UGGT1: variants seen among roughly 807,000 people sequenced by gnomAD.
UGGT1 encodes the protein UDP-glucose:glycoprotein glucosyltransferase 1.
A neutral mutation model predicts 203.9 loss-of-function variants in UGGT1; 107 were observed. The observed-to-expected ratio is 0.52, with a 90% confidence interval of 0.45 to 0.62. The LOEUF (loss-of-function observed/expected upper bound fraction) is 0.62. Ranked by LOEUF, UGGT1 falls within the 20% of genes least tolerant of loss-of-function variation. The probability of loss-of-function intolerance (pLI) is 0.00; values close to 1 mark genes in which losing one functional copy is unlikely to be tolerated. For synonymous variants in UGGT1, 628 were observed against 653.5 expected (o/e 0.96, Z 0.59); for missense variants, 1,673 against 1,867.2 (o/e 0.90, Z 1.92).
At chr2:128,151,232 C>T (rs1469612262) in intron 18 of UGGT1, 3 of 596,696 alleles carry the variant, frequency 5.0e-6, no homozygotes, top group East Asian at 3.0e-5. Flanking sequence ...TTCTTCTGCT[C>T]CTCTTTTTGT....
chr2:128,115,149 T>C lies in UGGT1; in HGVS notation c.722T>C (p.Leu241Pro). 6.2e-7 allele frequency: 1 copy of C among 1,614,064 alleles called. No homozygotes were observed. Among genetic ancestry groups the C allele is most frequent in the Non-Finnish European group, 8.5e-7 (1 of 1,179,972 alleles). ...IFNPRKEPVY[L>P]SGYGVELAIK... is the part of the protein sequence containing the mutation. ...AATCCCAGGAAGGAGCCTGTTTACC[T>C]CTCTGGCTATGGCGTGGAATTGGCC... is the stretch of plus-strand genomic sequence containing the variant. Residue 241 changes from leucine to proline, a missense_variant, in exon 7 of 41, where the codon CTC becomes CCC. Around this residue, in one of 4 missense-constraint regions of UGGT1, gnomAD observed 1,073 missense variants for 1,078.7 expected, o/e 0.99. Coordinates refer to ENST00000259253, the MANE Select transcript of UGGT1 (RefSeq NM_020120.4).
chr2:128,096,323 C>T (rs1333003570), intron 1 of UGGT1, among the ~76,000 whole-genome samples: 3 of 152,218 alleles, frequency 2.0e-5, no homozygotes, highest in Non-Finnish European at 4.4e-5. Flanking sequence ...AGGGCTACCA[C>T]AACAAAGTAT....
intron 40 of UGGT1, among the ~76,000 whole-genome samples, chr2:128,188,146 A>G (rs1692080432): frequency 6.6e-6 from 1 of 151,304 alleles, no homozygotes; most frequent in Admixed American, 6.6e-5. Flanking sequence ...TCAGCCTCCC[A>G]AGTAGCTGGA....
At chr2:128,099,601 G>C (rs1687273100) in intron 2 of UGGT1, among the ~76,000 whole-genome samples, 1 of 152,242 alleles carries the variant, frequency 6.6e-6, no homozygotes, top group Admixed American at 6.5e-5. Flanking sequence ...GCATGTGGCA[G>C]CCGGTCTTGG....
At chr2:128,181,951 G>C (rs995736097) in intron 36 of UGGT1, among the ~76,000 whole-genome samples, 179 bp from the exon 37 acceptor site, 3 of 152,162 alleles carry the variant, frequency 2.0e-5, no homozygotes, top group African/African-American at 7.2e-5. Context: ...TGTCTTACAT[G>C]TTAGTGAGTC....
chr2:128,110,306 G>T lies in UGGT1; in HGVS notation c.521+560G>T, dbSNP rs1319252747. Among the ~76,000 whole-genome samples, 13 of 152,120 alleles carry T rather than the reference G, an allele frequency of 8.5e-5. No individual in the cohort carries two copies. The South Asian group carries it at 1.0e-3, about 12-fold the overall frequency. On this transcript the variant is annotated intron_variant, in intron 5 of 40. Transcript: ENST00000259253. ...AGCCCTCTGTACCTCCTCTAATGCTGTTCATAAACAGAACCGTGATCTCTC... is the reference window on the plus strand; with the variant it reads ...AGCCCTCTGTACCTCCTCTAATGCTTTTCATAAACAGAACCGTGATCTCTC...
intron 31 of UGGT1, among the ~76,000 whole-genome samples, chr2:128,175,965 T>C (rs531645717): frequency 9.2e-5 from 14 of 152,390 alleles, no homozygotes; most frequent in African/African-American, 2.6e-4. Context: ...TTAATTTTTC[T>C]TCCTCTGCTC....
intron 32 of UGGT1, 104 bp downstream of exon 32, chr2:128,177,002 A>G: frequency 9.0e-7 from 1 of 1,114,410 alleles, no homozygotes; most frequent in Non-Finnish European, 1.3e-6. Flanking sequence ...TGCTATGGCA[A>G]TTATAGGGAT....
rs116280817 is a variant in UGGT1 at position 128,183,899 on chromosome 2, G to A, written c.4359+110G>A. 1.5e-3 allele frequency: 906 copies of A among 593,748 alleles called. 10 individuals are homozygous for A. Among genetic ancestry groups the A allele is most frequent in the African/African-American group, 0.014 (739 of 51,268 alleles). The allele number at this position is 593,748 out of a possible 1,614,324, so 36.8% of individuals were successfully genotyped here. On this transcript the variant is annotated intron_variant, in intron 38 of 40. Coordinates refer to ENST00000259253, the MANE Select transcript of UGGT1 (RefSeq NM_020120.4). Reference sequence around the variant, plus strand: ...TCCTCTCCTCACAGGATGGCGTCTTGTTTTTTCATGGTGTGTGTGTGTGTG... The same window carrying A: ...TCCTCTCCTCACAGGATGGCGTCTTATTTTTTCATGGTGTGTGTGTGTGTG...
Position 128,170,404 on chromosome 2 carries a change from G to A in UGGT1, c.3024+14G>A. 1 of 1,608,868 alleles carries A rather than the reference G, an allele frequency of 6.2e-7. No individual in the cohort carries two copies. Among genetic ancestry groups the A allele is most frequent in the South Asian group, 1.1e-5 (1 of 90,966 alleles). On this transcript the variant is annotated intron_variant, in intron 27 of 40. Coordinates refer to ENST00000259253, the MANE Select transcript of UGGT1 (RefSeq NM_020120.4). ...CCTTTGCTCTTGGTAGGAACGCTGT[G>A]CAGGAAGTGTACATCACCTTTGTTT...
Position 128,127,424 on chromosome 2 carries a change from A to G in UGGT1, c.1198A>G (p.Met400Val), listed in dbSNP as rs1393143495. The stretch of plus-strand genomic sequence containing the variant: ...AGCCCTCTTCATCAATGGACTTCAC[A>G]TGGATTTAGATACACAGGATATATT... ...DSALFINGLH[M>V]DLDTQDIFSL... is the part of the protein sequence containing the mutation. Residue 400 changes from methionine (M) to valine (V), a missense_variant, in exon 12 of 41, where the codon ATG becomes GTG. Physicochemically the swap from Met to Val is conservative, Grantham distance 21. This residue lies in a region of UGGT1 where 1,073 missense variants were observed against 1,078.7 expected (regional missense o/e 0.99). Coordinates refer to ENST00000259253, the MANE Select transcript of UGGT1 (RefSeq NM_020120.4). 2 of 1,613,400 alleles carry G rather than the reference A, an allele frequency of 1.2e-6. No homozygotes were observed. The highest frequency in any genetic ancestry group is 1.7e-6 in the Non-Finnish European group (2 of 1,179,380).
chr2:128,122,157 A>G (rs975221415), intron 10 of UGGT1, among the ~76,000 whole-genome samples: 1 of 152,112 alleles, frequency 6.6e-6, no homozygotes, highest in Non-Finnish European at 1.5e-5. Context: ...TATTTTTAGT[A>G]GAGACAGGGT....
chr2:128,105,349 A>T (rs901423200), intron 3 of UGGT1, among the ~76,000 whole-genome samples: 2 of 134,522 alleles, frequency 1.5e-5, no homozygotes, highest in South Asian at 2.3e-4. Context: ...AATTAAAAAA[A>T]TTTTTTTTTG....
chr2:128,139,410 T>TTTTA (rs947429844), intron 16 of UGGT1, among the ~76,000 whole-genome samples: 1 of 152,098 alleles, frequency 6.6e-6, no homozygotes. Flanking sequence ...TTTTTAAAGT[T>TTTTA]TTTATTTATT....
chr2:128,172,988 T>G (rs370459819), intron 29 of UGGT1, among the ~76,000 whole-genome samples: 15 of 152,328 alleles, frequency 9.8e-5, no homozygotes, highest in African/African-American at 3.6e-4. Context: ...CACTATGTAA[T>G]TGTAGGATGT....
At chr2:128,138,917 T>C in intron 16 of UGGT1, 65 bp downstream of exon 16, 1 of 1,588,338 alleles carries the variant, frequency 6.3e-7, no homozygotes, top group South Asian at 1.1e-5. Context: ...TAACAATGTG[T>C]GGTCATTGTA....
Position 128,161,171 on chromosome 2 carries a change from A to G in UGGT1, c.2728A>G (p.Asn910Asp), listed in dbSNP as rs1162481031. 1 of 1,613,942 alleles carries G rather than the reference A, an allele frequency of 6.2e-7. No homozygotes were observed. The highest frequency in any genetic ancestry group is 2.2e-5 in the East Asian group (1 of 44,878). ...IGPLEDSELF[N>D]QDDFHLLENI... ...GCCACTGGAGGATAGTGAGCTCTTTAATCAAGACGATTTCCACCTCCTCGA... is the reference window on the plus strand; with the variant it reads ...GCCACTGGAGGATAGTGAGCTCTTTGATCAAGACGATTTCCACCTCCTCGA... Residue 910 changes from asparagine (N) to aspartate (D), a missense_variant, in exon 25 of 41, where the codon AAT becomes GAT. Asn to Asp is a conservative substitution (Grantham distance 23, BLOSUM62 1). Around this residue, in one of 4 missense-constraint regions of UGGT1, gnomAD observed 1,073 missense variants for 1,078.7 expected, o/e 0.99. Transcript: ENST00000259253.
chr2:128,181,176 T>A, intron 36 of UGGT1, 104 bp downstream of exon 36: 1 of 1,148,340 alleles, frequency 8.7e-7, no homozygotes. Context: ...ATGCTTATTT[T>A]ACATTTAGAA....
At chr2:128,177,754 C>T in intron 32 of UGGT1, 78 bp from the exon 33 acceptor site, 2 of 1,176,758 alleles carry the variant, frequency 1.7e-6, no homozygotes, top group Non-Finnish European at 2.4e-6. Flanking sequence ...ATGACAGGCT[C>T]ACAGTGTATA....
Sources: allele counts gnomAD v4.1 joint callset (sites outside exome capture counted in the v4.1 genomes callset), GRCh38; gene constraint gnomAD v4.1.1; regional missense constraint gnomAD v4.1.1; transcripts MANE v1.5; gene names NCBI Gene and HGNC (gene_info 2026-07-23, HGNC 2026-07-21).